Variants in PHOX2A observed in about 807,000 individuals in gnomAD.
The protein encoded by PHOX2A is paired mesoderm homeobox protein 2A.
PHOX2A carries 10 observed loss-of-function variants against 16.4 expected under a neutral mutation model. That is an observed-to-expected ratio of 0.61 (90% CI 0.38 to 1.04). The LOEUF is 1.04. PHOX2A is among the 50% of genes least tolerant of loss of function. The pLI, the probability that PHOX2A is intolerant of heterozygous loss-of-function variation, is 0.01. For synonymous variants in PHOX2A, 219 were observed against 203.8 expected (o/e 1.07, Z -0.64); for missense variants, 361 against 419.4 (o/e 0.86, Z 1.22).
rs1415552215 is a variant in PHOX2A at position 72,239,590 on chromosome 11, G to T, written c.*159C>A. 1 of 478,690 alleles carries T rather than the reference G, an allele frequency of 2.1e-6. No homozygotes were observed. Among genetic ancestry groups the T allele is most frequent in the Non-Finnish European group, 3.4e-6 (1 of 290,708 alleles). The allele number at this position is 478,690 out of a possible 1,614,324, so 29.7% of individuals were successfully genotyped here. A position where few individuals can be genotyped will look rare whatever the true frequency, so the allele number is the denominator to read the frequency against. On this transcript the variant is annotated 3_prime_UTR_variant, in exon 3 of 3. Coordinates refer to ENST00000298231, the MANE Select transcript of PHOX2A (RefSeq NM_005169.4). The stretch of plus-strand genomic sequence containing the variant: ...GTGAGGACGAGAGTGGCCCTGACTT[G>T]GTCTCCAAAGTTGGGGAGGACACAC...
In PHOX2A at chr11:72,241,199, T is replaced by C; in HGVS notation, c.308A>G (p.Lys103Arg). 6.2e-7 allele frequency: 1 copy of C among 1,613,844 alleles called. No homozygotes were observed. Among genetic ancestry groups the C allele is most frequent in the Non-Finnish European group, 8.5e-7 (1 of 1,179,980 alleles). Reference sequence around the variant, plus strand: ...CTCAGCGAAAACGCGCTCCAGCTCCTTGAGCTGCGCGCTGGTGAACGTGGT... The same window carrying C: ...CTCAGCGAAAACGCGCTCCAGCTCCCTGAGCTGCGCGCTGGTGAACGTGGT... ...IRTTFTSAQL[K>R]ELERVFAETH... Residue 103 changes from lysine (K) to arginine (R), a missense_variant, in exon 2 of 3, where the codon AAG becomes AGG. Coordinates refer to ENST00000298231, the MANE Select transcript of PHOX2A (RefSeq NM_005169.4).
intron 1 of PHOX2A, among the ~76,000 whole-genome samples, chr11:72,243,488 C>G (rs1949137829): frequency 6.6e-6 from 1 of 152,062 alleles, no homozygotes; most frequent in African/African-American, 2.4e-5. Context: ...AGTGGTCAGT[C>G]TTTGCAGGTG....
At chr11:72,241,322 G>GGGGGGGGCC in intron 1 of PHOX2A, 33 bp from the exon 2 acceptor site, 1 of 626,610 alleles carries the variant, frequency 1.6e-6, no homozygotes, top group Non-Finnish European at 2.7e-6. Context: ...CGGGGGGGGG[G>GGGGGGGGCC]CAAAAAGGAT....
At chr11:72,243,670 G>C (rs1235749741) in intron 1 of PHOX2A, 118 bp downstream of exon 1, 6 of 487,050 alleles carry the variant, frequency 1.2e-5, no homozygotes, top group Non-Finnish European at 2.0e-5. Context: ...CGGGGCATTG[G>C]AGGGTCTGGC....
In PHOX2A at chr11:72,241,212, T is replaced by G; in HGVS notation, c.295A>C (p.Ser99Arg). 1 of 1,608,722 alleles carries G rather than the reference T, an allele frequency of 6.2e-7. No individual in the cohort carries two copies. Among genetic ancestry groups the G allele is most frequent in the Non-Finnish European group, 8.5e-7 (1 of 1,179,180 alleles). ...CGCTCCAGCTCCTTGAGCTGCGCGC[T>G]GGTGAACGTGGTGCGGATGCGCCGC... ...KQRRIRTTFTSAQLKELERVF... is the reference protein window; with the variant it reads ...KQRRIRTTFTRAQLKELERVF... The change falls in exon 2 of 3, where the codon AGC becomes CGC. Residue 99 changes from serine to arginine, a missense_variant. Coordinates refer to ENST00000298231, the MANE Select transcript of PHOX2A (RefSeq NM_005169.4).
rs1301085829 is a variant in PHOX2A, at chr11:72,240,131, G to T, written c.473C>A (p.Ala158Glu). Reference protein sequence around the residue: ...QERAASAKGAAGAAGAKKGEA... With the variant: ...QERAASAKGAEGAAGAKKGEA... ...GCCCTTTTTGGCGCCCGCCGCGCCC[G>T]CCGCGCCCTTGGCGCTGGCCGCGCG... is the stretch of plus-strand genomic sequence containing the variant. Residue 158 changes from alanine (A) to glutamate (E), a missense_variant, in exon 3 of 3, where the codon GCG (alanine) becomes GAG (glutamate). By Grantham distance (107) the Ala-to-Glu change is moderately radical. Around this residue, in one of 3 missense-constraint regions of PHOX2A, gnomAD observed 235 missense variants for 263.8 expected, o/e 0.89. Transcript: ENST00000298231. 3.3e-6 allele frequency: 5 copies of T among 1,531,604 alleles called. No individual in the cohort carries two copies. Among genetic ancestry groups the T allele is most frequent in the Non-Finnish European group, 4.4e-6 (5 of 1,144,394 alleles). 94.9% of individuals were successfully genotyped at this position (1,531,604 alleles called of 1,614,324 possible).
intron 1 of PHOX2A, among the ~76,000 whole-genome samples, chr11:72,241,774 CAG>C (rs1949124602): frequency 6.6e-6 from 1 of 151,718 alleles, no homozygotes; most frequent in South Asian, 2.1e-4. Flanking sequence ...GGCTCTGCAA[CAG>C]AGACCCTCCC....
rs1949140254 is a variant in PHOX2A, at chr11:72,243,779, T to C, written c.217+9A>G. 2.4e-6 allele frequency: 3 copies of C among 1,241,038 alleles called. No homozygotes were observed. The highest frequency in any genetic ancestry group is 3.2e-5 in the East Asian group (1 of 31,698). 76.9% of individuals were successfully genotyped at this position (1,241,038 alleles called of 1,614,324 possible). On this transcript the variant is annotated intron_variant, in intron 1 of 2. Transcript: ENST00000298231. ...ATTGGAGGGAGGGTTGGGCCGGGGCTGCGCTCACCTGCCGAGTAGGGCGCG... is the reference window on the plus strand; with the variant it reads ...ATTGGAGGGAGGGTTGGGCCGGGGCCGCGCTCACCTGCCGAGTAGGGCGCG...
Position 72,243,789 on chromosome 11 carries a change from T to C in PHOX2A, c.216A>G (p.Ala72=). 2 of 1,246,766 alleles carry C rather than the reference T, an allele frequency of 1.6e-6. No homozygotes were observed. The highest frequency in any genetic ancestry group is 2.0e-6 in the Non-Finnish European group (2 of 994,608). The allele number at this position is 1,246,766 out of a possible 1,614,324, so 77.2% of individuals were successfully genotyped here. A position where few individuals can be genotyped will look rare whatever the true frequency, so the allele number is the denominator to read the frequency against. ...GGGTTGGGCCGGGGCTGCGCTCACC[T>C]GCCGAGTAGGGCGCGGGCTGGTGGT... is the stretch of plus-strand genomic sequence containing the variant. ...LRDHQPAPYS[A]VPYKFFPEPS... Residue 72 remains alanine (A), a splice_region_variant and synonymous_variant, in exon 1 of 3, where the codon GCA becomes GCG. Coordinates refer to ENST00000298231, the MANE Select transcript of PHOX2A (RefSeq NM_005169.4).
At chr11:72,243,320 A>G (rs960696199) in intron 1 of PHOX2A, among the ~76,000 whole-genome samples, 2 of 152,050 alleles carry the variant, frequency 1.3e-5, no homozygotes, top group Admixed American at 6.5e-5. Context: ...TGGCCACGCG[A>G]GCTCTAGGAA....
Position 72,244,046 on chromosome 11 carries a change from G to T in PHOX2A, c.-42C>A. The T allele has an allele frequency of 2.0e-6, 2 of 1,022,486 alleles. No individual in the cohort carries two copies. Among genetic ancestry groups the T allele is most frequent in the Non-Finnish European group, 2.5e-6 (2 of 788,546 alleles). The allele number at this position is 1,022,486 out of a possible 1,614,324, so 63.3% of individuals were successfully genotyped here. On this transcript the variant is annotated 5_prime_UTR_variant, in exon 1 of 3. Coordinates refer to ENST00000298231, the MANE Select transcript of PHOX2A (RefSeq NM_005169.4). ...GGCGGGGGCCGGGCCAGGCCGGGTC[G>T]GGGTCGGGGTCCGGGTGGAGGTCGG... is the stretch of plus-strand genomic sequence containing the variant.
At chr11:72,243,689 G>T (rs1949139513) in intron 1 of PHOX2A, 99 bp downstream of exon 1, 2 of 638,690 alleles carry the variant, frequency 3.1e-6, no homozygotes, top group South Asian at 7.1e-5. Flanking sequence ...GCCAAGGCAG[G>T]AATGGGGGCG....
At chr11:72,242,675 G>A (rs1949131419) in intron 1 of PHOX2A, among the ~76,000 whole-genome samples, 1 of 147,542 alleles carries the variant, frequency 6.8e-6, no homozygotes, top group Admixed American at 6.7e-5. Context: ...TTTTTTTTTT[G>A]AGACCGAGTC....
intron 1 of PHOX2A, 102 bp from the exon 2 acceptor site, chr11:72,241,391 T>A: frequency 1.4e-6 from 1 of 717,112 alleles, no homozygotes; most frequent in South Asian, 1.8e-5. Flanking sequence ...ATCACACGCC[T>A]CCCCCGTCCC....
rs770864097 is a variant in PHOX2A, at chr11:72,241,288, C to T, written c.219G>A (p.Val73=). 50 of 1,522,606 alleles carry T rather than the reference C, an allele frequency of 3.3e-5. No homozygotes were observed. Among genetic ancestry groups the T allele is most frequent in the South Asian group, 1.1e-4 (9 of 81,234 alleles). 94.3% of individuals were successfully genotyped at this position (1,522,606 alleles called of 1,614,324 possible). ...ATGGCTCTGGGAAGAACTTGTAGGG[C>T]ACTGCGGGTGTGTGCAGGGGGGCCG... is the stretch of plus-strand genomic sequence containing the variant. ...RDHQPAPYSA[V]PYKFFPEPSG... The change falls in exon 2 of 3, where the codon GTG becomes GTA. Residue 73 remains valine, a splice_region_variant and synonymous_variant. Transcript: ENST00000298231.
intron 1 of PHOX2A, 23 bp from the exon 2 acceptor site, chr11:72,241,312 C>CGGGGGGGGGGGGCTGGGGGGCG: frequency 2.5e-6 from 1 of 399,392 alleles, no homozygotes; most frequent in Non-Finnish European, 3.9e-6. Context: ...GCAGGGGGGC[C>CGGGGGGGGGGGGCTGGGGGGCG]GGGGGGGGGG....
rs1272460135 is a variant in PHOX2A, at chr11:72,239,944, AGGTCCCGGCCCG to A, written c.648_659del (p.Gly221_Pro224del). The A allele has an allele frequency of 7.7e-7, 1 of 1,297,984 alleles. No individual in the cohort carries two copies. The highest frequency in any genetic ancestry group is 1.6e-5 in the African/African-American group (1 of 64,414). The allele number at this position is 1,297,984 out of a possible 1,614,324, so 80.4% of individuals were successfully genotyped here. On this transcript the variant is annotated inframe_deletion, in exon 3 of 3. Transcript: ENST00000298231. Reference sequence around the variant, plus strand: ...CCTTGAGCGGCTGTGGCCCCGGCCCAGGTCCCGGCCCGGAGCCCAGTGCGACGGGCAGCGGGC... The same window carrying A: ...CCTTGAGCGGCTGTGGCCCCGGCCCAGAGCCCAGTGCGACGGGCAGCGGGC...
At chr11:72,241,945 C>T (rs745528929) in intron 1 of PHOX2A, among the ~76,000 whole-genome samples, 2 of 150,194 alleles carry the variant, frequency 1.3e-5, no homozygotes, top group Non-Finnish European at 3.0e-5. Context: ...ATGTCCCCCT[C>T]TCCTCTTCCT....
rs1454021636 is a variant in PHOX2A, at chr11:72,239,078, G to A, written c.*671C>T. ...GCAGTCGTAAGGGTTGCGGCGTGAT[G>A]TCTTCAATAAATTAAGTTTTATTTG... On this transcript the variant is annotated 3_prime_UTR_variant, in exon 3 of 3. Transcript: ENST00000298231. 3.3e-5 allele frequency: 5 copies of A among 152,186 alleles called. No individual in the cohort carries two copies. Among genetic ancestry groups the A allele is most frequent in the African/African-American group, 1.2e-4 (5 of 41,404 alleles). The allele number at this position is 152,186 out of a possible 1,614,324, so 9.4% of individuals were successfully genotyped here.
Sources: gnomAD v4.1 joint callset for allele counts (sites outside exome capture counted in the v4.1 genomes callset) on GRCh38, gnomAD v4.1.1 for gene constraint, gnomAD v4.1.1 regional missense constraint, MANE v1.5 for transcripts, NCBI Gene and HGNC (gene_info 2026-07-23, HGNC 2026-07-21) for gene names.